The following NCAM1 variants were observed in gnomAD, a reference collection of about 807,000 sequenced individuals.
NCAM1 encodes neural cell adhesion molecule 1, also known as antigen recognized by monoclonal antibody 5.1H11.
A neutral mutation model predicts 109.8 loss-of-function variants in NCAM1; 14 were observed. The ratio of observed to expected loss-of-function variants is 0.13; its 90% confidence interval spans 0.08 to 0.20. The LOEUF (loss-of-function observed/expected upper bound fraction) is 0.20. NCAM1 is among the 10% of genes least tolerant of loss of function. The pLI, the probability that NCAM1 is intolerant of heterozygous loss-of-function variation, is 1.00. For missense variants in NCAM1, 774 were observed against 1,109.9 expected (o/e 0.70, Z 4.30); for synonymous variants, 418 against 442.9 (o/e 0.94, Z 0.70).
At chr11:113,244,654 CGTGTGTGTGTGTGT>C (rs55798470) in intron 14 of NCAM1, among the ~76,000 whole-genome samples, 2,182 of 149,866 alleles carry the variant, frequency 0.015, 23 homozygotes, top group Admixed American at 0.021. Context: ...TGTGTGTGTG[CGTGTGTGTGTGTGT>C]GTGTGTGTGT....
At chr11:113,248,690 C>T (rs1945572101) in intron 15 of NCAM1, among the ~76,000 whole-genome samples, 1 of 152,290 alleles carries the variant, frequency 6.6e-6, no homozygotes, top group Middle Eastern at 3.4e-3. Flanking sequence ...CTGGATGCTC[C>T]ATCTACCCTG....
intron 1 of NCAM1, among the ~76,000 whole-genome samples, chr11:113,051,659 A>G (rs899878682): frequency 5.3e-5 from 8 of 152,286 alleles, no homozygotes; most frequent in Admixed American, 5.2e-4. Flanking sequence ...TTTGCTCACT[A>G]TAGCATCATT....
intron 1 of NCAM1, among the ~76,000 whole-genome samples, chr11:113,085,759 A>G (rs1939053352): frequency 6.6e-6 from 1 of 152,190 alleles, no homozygotes. Flanking sequence ...CTCACTCTTT[A>G]TCATCCTGCA....
At position 112,980,726 on chromosome 11, in the gene NCAM1, T is replaced by C. The variant is rs140123988; in HGVS notation, c.52+19062T>C. On this transcript the variant is annotated intron_variant, in intron 1 of 19. Transcript: ENST00000316851. ...GCACCTGTCACTGGAGCAGTGTACA[T>C]TATACCCAATATGTAGTCTTTTATC... 6.1e-4 allele frequency among the ~76,000 whole-genome samples: 93 copies of C among 151,982 alleles called. 1 individual carries two copies. The highest frequency in any genetic ancestry group is 2.2e-3 in the African/African-American group (90 of 41,530).
intron 1 of NCAM1, among the ~76,000 whole-genome samples, chr11:113,083,437 A>C (rs1267812991): frequency 1.3e-5 from 2 of 152,184 alleles, no homozygotes; most frequent in Non-Finnish European, 2.9e-5. Flanking sequence ...AAGGTGTAAA[A>C]GTGCTGTTTC....
chr11:113,252,263 G>A (rs782126490), intron 15 of NCAM1, among the ~76,000 whole-genome samples: 4 of 152,042 alleles, frequency 2.6e-5, no homozygotes, highest in African/African-American at 7.2e-5. Flanking sequence ...AAAATTAGCC[G>A]AGTGTGGTGG....
intron 1 of NCAM1, among the ~76,000 whole-genome samples, chr11:112,998,524 A>G (rs1326915741): frequency 1.3e-5 from 2 of 152,164 alleles, no homozygotes; most frequent in Admixed American, 6.5e-5. Flanking sequence ...GTGTAAGCGT[A>G]GTCCCTGATC....
chr11:113,120,853 C>T (rs1341979951), intron 1 of NCAM1, among the ~76,000 whole-genome samples: 2 of 152,090 alleles, frequency 1.3e-5, no homozygotes, highest in Admixed American at 6.5e-5. Context: ...AGGAGGGCAG[C>T]GAGGGCTGTA....
At chr11:113,256,387 C>G (rs1945835269) in intron 16 of NCAM1, among the ~76,000 whole-genome samples, 1 of 152,254 alleles carries the variant, frequency 6.6e-6, no homozygotes, top group Non-Finnish European at 1.5e-5. Flanking sequence ...CTGCACCTCA[C>G]TGTGATCACA....
In NCAM1 at chr11:113,015,996, C is replaced by T. The variant is rs1043534433; in HGVS notation, c.52+54332C>T. Among the ~76,000 whole-genome samples the T allele has an allele frequency of 2.8e-4, 43 of 152,166 alleles. 1 individual carries two copies. Among genetic ancestry groups the T allele is most frequent in the Middle Eastern group, 6.8e-3 (2 of 294 alleles). On this transcript the variant is annotated intron_variant, in intron 1 of 19. Transcript: ENST00000316851. ...TCGAGTGGGCTTTGTAGGAGAAAAG[C>T]GGGATCAGGATGATGGTGGTGTGCC... is the stretch of plus-strand genomic sequence containing the variant.
At chr11:113,009,312 G>GTTTTTTTTTT (rs781818836) in intron 1 of NCAM1, among the ~76,000 whole-genome samples, 37 of 79,678 alleles carry the variant, frequency 4.6e-4, no homozygotes, top group Non-Finnish European at 5.9e-4. Context: ...GTTTTTTCGG[G>GTTTTTTTTTT]TTTTTTTTTT....
At chr11:113,068,156 C>T (rs575329523) in intron 1 of NCAM1, among the ~76,000 whole-genome samples, 1 of 152,218 alleles carries the variant, frequency 6.6e-6, no homozygotes, top group East Asian at 1.9e-4. Context: ...CGTGATCCAC[C>T]CGCCTTGGCC....
intron 14 of NCAM1, among the ~76,000 whole-genome samples, chr11:113,239,050 G>C (rs2137339162): frequency 6.6e-6 from 1 of 152,332 alleles, no homozygotes; most frequent in East Asian, 1.9e-4. Flanking sequence ...GGATATATCA[G>C]AGCAGGGATG....
intron 1 of NCAM1, among the ~76,000 whole-genome samples, chr11:113,134,306 A>G (rs1434152153): frequency 6.6e-6 from 1 of 152,138 alleles, no homozygotes; most frequent in Non-Finnish European, 1.5e-5. Context: ...TTTCGCATGT[A>G]ACCGGATTTT....
intron 17 of NCAM1, among the ~76,000 whole-genome samples, chr11:113,261,836 C>G (rs747883159): frequency 3.3e-5 from 5 of 152,160 alleles, no homozygotes; most frequent in Non-Finnish European, 7.3e-5. Flanking sequence ...GCTGTTTGGA[C>G]CTGCTGTGTT....
chr11:113,122,579 T>A (rs1050466708), intron 1 of NCAM1, among the ~76,000 whole-genome samples: 2 of 151,956 alleles, frequency 1.3e-5, no homozygotes, highest in South Asian at 4.2e-4. Context: ...AGGTCGGGAG[T>A]TTGAGACCAG....
rs79928937 is a variant in NCAM1 at position 113,201,353 on chromosome 11, C to T, written c.53-1026C>T. 2.6e-4 allele frequency among the ~76,000 whole-genome samples: 39 copies of T among 152,326 alleles called. No individual in the cohort carries two copies. The East Asian group carries it at 7.3e-3, about 29-fold the overall frequency. ...AATGGCTGTTGGAAGGAAGGGCTCA[C>T]TGAATCTCCATTCCCCAGGCTGTTT... On this transcript the variant is annotated intron_variant, in intron 1 of 19. Coordinates refer to ENST00000316851, the MANE Select transcript of NCAM1 (RefSeq NM_181351.5).
intron 1 of NCAM1, among the ~76,000 whole-genome samples, chr11:113,060,307 T>A (rs1953872199): frequency 6.6e-6 from 1 of 152,208 alleles, no homozygotes; most frequent in African/African-American, 2.4e-5. Flanking sequence ...TTGGCAGTGA[T>A]TTTTTGCCCA....
At chr11:112,967,965 A>G (rs1950772527) in intron 1 of NCAM1, among the ~76,000 whole-genome samples, 1 of 152,206 alleles carries the variant, frequency 6.6e-6, no homozygotes, top group South Asian at 2.1e-4. Context: ...ATACATGACC[A>G]TGAGAACACA....
Sources: gnomAD v4.1 joint callset for allele counts (sites outside exome capture counted in the v4.1 genomes callset) on GRCh38, gnomAD v4.1.1 for gene constraint, MANE v1.5 for transcripts, NCBI Gene and HGNC (gene_info 2026-07-23, HGNC 2026-07-21) for gene names.